The following MAN1A1 variants were observed in gnomAD, a reference collection of about 807,000 sequenced individuals.
The protein encoded by MAN1A1 is mannosidase alpha class 1A member 1, also known as mannosyl-oligosaccharide 1,2-alpha-mannosidase IA.
In MAN1A1, 29 loss-of-function variants were observed where a neutral mutation model predicts 70.8. The ratio of observed to expected loss-of-function variants is 0.41; its 90% CI spans 0.31 to 0.56. The LOEUF (loss-of-function observed/expected upper bound fraction) is 0.56. MAN1A1 is among the 20% of genes least tolerant of loss of function. The pLI, the probability that MAN1A1 is intolerant of heterozygous loss-of-function variation, is 0.29. For synonymous variants in MAN1A1, 349 were observed against 330.1 expected (o/e 1.06, Z -0.62); for missense variants, 747 against 841.3 (o/e 0.89, Z 1.39).
chr6:119,342,887 T>C (rs1261870126), intron 2 of MAN1A1, among the ~76,000 whole-genome samples: 1 of 152,206 alleles, frequency 6.6e-6, no homozygotes, highest in Non-Finnish European at 1.5e-5. Context: ...ACCCTTTGTA[T>C]ATACAGTAAC....
intron 6 of MAN1A1, among the ~76,000 whole-genome samples, chr6:119,236,754 T>C (rs1321747250): frequency 6.6e-6 from 1 of 152,016 alleles, no homozygotes; most frequent in Non-Finnish European, 1.5e-5. Flanking sequence ...AGTGTTATTA[T>C]TTAAAAAGTA....
intron 7 of MAN1A1, among the ~76,000 whole-genome samples, chr6:119,203,771 G>A (rs533568466): frequency 1.6e-4 from 25 of 152,108 alleles, no homozygotes; most frequent in Non-Finnish European, 2.5e-4. Flanking sequence ...CGTTAAGTCC[G>A]AGGCATTTTA....
intron 4 of MAN1A1, among the ~76,000 whole-genome samples, chr6:119,296,467 C>A (rs1047756328): frequency 4.6e-5 from 7 of 152,138 alleles, no homozygotes; most frequent in Non-Finnish European, 1.0e-4. Flanking sequence ...CTGCGCCCAT[C>A]AGGATGTAAT....
At chr6:119,316,513 C>G (rs1169073518) in intron 2 of MAN1A1, among the ~76,000 whole-genome samples, 1 of 152,042 alleles carries the variant, frequency 6.6e-6, no homozygotes, top group Non-Finnish European at 1.5e-5. Context: ...CCCTTAATAT[C>G]CTAAGGAGAG....
At chr6:119,189,356 C>A (rs185068671) in intron 10 of MAN1A1, among the ~76,000 whole-genome samples, 1 of 152,152 alleles carries the variant, frequency 6.6e-6, no homozygotes, top group East Asian at 1.9e-4. Context: ...TAATAAAATG[C>A]TAAGTTTCTC....
At chr6:119,305,860 A>G (rs1305652107) in intron 3 of MAN1A1, among the ~76,000 whole-genome samples, 1 of 152,182 alleles carries the variant, frequency 6.6e-6, no homozygotes, top group Non-Finnish European at 1.5e-5. Context: ...GTTCTAAATA[A>G]ATGGAAAAGC....
chr6:119,332,852 T>G (rs1773355033), intron 2 of MAN1A1, among the ~76,000 whole-genome samples: 1 of 134,092 alleles, frequency 7.5e-6, no homozygotes, highest in South Asian at 2.2e-4. Flanking sequence ...CAAAATTCTT[T>G]TTAAAAGAGA....
intron 1 of MAN1A1, 107 bp downstream of exon 1, chr6:119,349,435 T>G (rs1401161043): frequency 4.4e-6 from 4 of 914,532 alleles, no homozygotes; most frequent in Non-Finnish European, 5.3e-6. Context: ...CGCAGCCCAC[T>G]CTCTGGACTT....
At chr6:119,183,999 T>TA (rs60835737) in intron 11 of MAN1A1, among the ~76,000 whole-genome samples, 42 of 149,394 alleles carry the variant, frequency 2.8e-4, no homozygotes, top group South Asian at 6.3e-4. Flanking sequence ...TTTGGTAAAT[T>TA]AAAAAAAAAA....
chr6:119,281,823 A>C (rs768520479), intron 5 of MAN1A1, among the ~76,000 whole-genome samples: 30 of 152,186 alleles, frequency 2.0e-4, no homozygotes, highest in Non-Finnish European at 4.0e-4. Context: ...TTGAGAGGCC[A>C]AGGTGGGTGG....
At chr6:119,219,900 T>G (rs1044822561) in intron 6 of MAN1A1, among the ~76,000 whole-genome samples, 1 of 151,328 alleles carries the variant, frequency 6.6e-6, no homozygotes, top group Non-Finnish European at 1.5e-5. Flanking sequence ...ATTATACAAC[T>G]TAGTAAGAAA....
chr6:119,268,440 T>G lies in MAN1A1; in HGVS notation c.898-20086A>C, dbSNP rs115452422. On this transcript the variant is annotated intron_variant, in intron 5 of 12. Coordinates refer to ENST00000368468, the MANE Select transcript of MAN1A1 (RefSeq NM_005907.4). ...GCTCATACTGTCCCCAAGTGTTTTT[T>G]TTTTCCACATTATCACAGCTGCAGA... 4.8e-3 allele frequency among the ~76,000 whole-genome samples: 737 copies of G among 152,156 alleles called. 4 individuals are homozygous for G. Among genetic ancestry groups the G allele is most frequent in the African/African-American group, 0.017 (697 of 41,484 alleles).
At chr6:119,273,589 A>AT (rs1775981232) in intron 5 of MAN1A1, among the ~76,000 whole-genome samples, 1 of 152,126 alleles carries the variant, frequency 6.6e-6, no homozygotes, top group Non-Finnish European at 1.5e-5. Flanking sequence ...ATATAATTAC[A>AT]TTTTTGGATT....
intron 2 of MAN1A1, 112 bp downstream of exon 2, chr6:119,348,351 C>G: frequency 9.1e-7 from 1 of 1,097,686 alleles, no homozygotes; most frequent in Admixed American, 2.7e-5. Flanking sequence ...AAGGGGCAAA[C>G]CTCCATCTCC....
At chr6:119,349,838 A>C (rs1179452603), upstream of MAN1A1, 6 of 799,732 alleles carry the variant, frequency 7.5e-6, no homozygotes, top group African/African-American at 1.9e-5. Context: ...GGCCGGGCCA[A>C]TCACGCGCCG....
intron 4 of MAN1A1, among the ~76,000 whole-genome samples, chr6:119,300,716 T>C (rs1261380154): frequency 6.6e-6 from 1 of 152,168 alleles, no homozygotes; most frequent in Non-Finnish European, 1.5e-5. Flanking sequence ...ATGCCTGCTC[T>C]CTCATGTTTA....
chr6:119,318,708 C>G (rs1772921152), intron 2 of MAN1A1, among the ~76,000 whole-genome samples: 1 of 152,146 alleles, frequency 6.6e-6, no homozygotes, highest in African/African-American at 2.4e-5. Context: ...ATGAGTATCT[C>G]TTACTTCTGT....
At chr6:119,236,213 G>A (rs1449695743) in intron 6 of MAN1A1, among the ~76,000 whole-genome samples, 2 of 151,596 alleles carry the variant, frequency 1.3e-5, no homozygotes, top group Admixed American at 1.3e-4. Context: ...CTGGATGATA[G>A]CACATATATT....
intron 5 of MAN1A1, among the ~76,000 whole-genome samples, chr6:119,250,646 C>CTGTGTG (rs758137917): frequency 1.1e-3 from 115 of 103,782 alleles, no homozygotes; most frequent in Admixed American, 1.8e-3. Flanking sequence ...CTTGTTCTCT[C>CTGTGTG]TCTGTGTGTG....
Sources: allele counts gnomAD v4.1 joint callset (sites outside exome capture counted in the v4.1 genomes callset), GRCh38; gene constraint gnomAD v4.1.1; transcripts MANE v1.5; gene names NCBI Gene and HGNC (gene_info 2026-07-23, HGNC 2026-07-21).